TNFSF11: variants seen among roughly 807,000 people sequenced by gnomAD.
TNFSF11 encodes the protein TNF superfamily member 11.
TNFSF11 carries 12 observed loss-of-function variants against 32.2 expected under a neutral mutation model. The observed-to-expected ratio is 0.37, with a 90% CI of 0.24 to 0.60. The LOEUF is 0.60. Ranked by LOEUF, TNFSF11 falls within the 20% of genes least tolerant of loss-of-function variation. TNFSF11 has a pLI of 0.66. For missense variants in TNFSF11, 345 were observed against 398.0 expected (o/e 0.87, Z 1.13); for synonymous variants, 172 against 152.1 (o/e 1.13, Z -0.96).
intron 1 of TNFSF11, chr13:42,566,520 G>A (rs2137842021): frequency 6.6e-6 from 1 of 152,410 alleles, no homozygotes; most frequent in South Asian, 2.1e-4. Context: ...ATTGTAAGAA[G>A]AATTATTGAG....
intron 4 of TNFSF11, among the ~76,000 whole-genome samples, chr13:42,602,025 T>C (rs1869203507): frequency 6.6e-6 from 1 of 152,220 alleles, no homozygotes; most frequent in Admixed American, 6.5e-5. Flanking sequence ...AAGGTACTTG[T>C]GGTCAGTTGG....
At chr13:42,577,633 A>C (rs1178620532) in intron 1 of TNFSF11, among the ~76,000 whole-genome samples, 1 of 152,202 alleles carries the variant, frequency 6.6e-6, no homozygotes, top group Non-Finnish European at 1.5e-5. Context: ...AAAACTGAAG[A>C]TGTTTTGCCC....
At chr13:42,584,230 G>A (rs1873776877) in intron 2 of TNFSF11, among the ~76,000 whole-genome samples, 1 of 152,190 alleles carries the variant, frequency 6.6e-6, no homozygotes, top group Admixed American at 6.5e-5. Flanking sequence ...GCGGCTTACT[G>A]TGTGTCTCTC....
upstream of TNFSF11, among the ~76,000 whole-genome samples, chr13:42,570,048 C>A (rs954374985): frequency 4.6e-4 from 70 of 151,712 alleles, no homozygotes; most frequent in African/African-American, 1.7e-3. Context: ...TTGAATACAC[C>A]AAATATTTAT....
upstream of TNFSF11, chr13:42,571,474 T>A (rs1366304784): frequency 1.3e-5 from 2 of 152,124 alleles, no homozygotes; most frequent in Non-Finnish European, 2.9e-5. Flanking sequence ...GCTCAAACAA[T>A]CCACCTATCT....
intron 2 of TNFSF11, among the ~76,000 whole-genome samples, chr13:42,585,974 C>T (rs1358927190): frequency 6.6e-6 from 1 of 152,186 alleles, no homozygotes; most frequent in Non-Finnish European, 1.5e-5. Flanking sequence ...ATGTTCAGTG[C>T]ATTAAAGATG....
intron 1 of TNFSF11, chr13:42,566,487 A>C (rs914039350): frequency 1.3e-5 from 2 of 152,360 alleles, no homozygotes; most frequent in African/African-American, 4.8e-5. Context: ...TTTGGTAAAG[A>C]AACAGAGGTG....
chr13:42,602,153 A>G (rs1566389040), intron 4 of TNFSF11, among the ~76,000 whole-genome samples: 1 of 152,148 alleles, frequency 6.6e-6, no homozygotes, highest in Non-Finnish European at 1.5e-5. Flanking sequence ...TTGAGGCTCC[A>G]TTGTCCTGGC....
In TNFSF11 at chr13:42,593,500, A is replaced by G. The variant is rs1868618647; in HGVS notation, c.388-7252A>G. On this transcript the variant is annotated intron_variant, in intron 2 of 4. Transcript: ENST00000398795. Reference sequence around the variant, plus strand: ...ATGAGAAATGATGAAAACTTGAAGGAAGGCAGTGGTACCCAGGTTGGAGAG... The same window carrying G: ...ATGAGAAATGATGAAAACTTGAAGGGAGGCAGTGGTACCCAGGTTGGAGAG... Among the ~76,000 whole-genome samples, 7 of 152,274 alleles carry G rather than the reference A, an allele frequency of 4.6e-5. No homozygotes were observed. In the South Asian group the frequency reaches 1.5e-3, roughly 32 times the overall value.
intron 1 of TNFSF11, among the ~76,000 whole-genome samples, chr13:42,564,261 A>C (rs1872789297): frequency 6.6e-6 from 1 of 152,106 alleles, no homozygotes; most frequent in East Asian, 1.9e-4. Context: ...ACTATATGTA[A>C]AAGAATTATT....
At chr13:42,587,439 G>A (rs1346451926) in intron 2 of TNFSF11, among the ~76,000 whole-genome samples, 1 of 152,158 alleles carries the variant, frequency 6.6e-6, no homozygotes, top group African/African-American at 2.4e-5. Context: ...CATTTAGGTA[G>A]GAAGGAGGAC....
intron 2 of TNFSF11, among the ~76,000 whole-genome samples, chr13:42,590,307 G>A (rs1274707104): frequency 4.6e-5 from 7 of 152,210 alleles, no homozygotes; most frequent in Non-Finnish European, 5.9e-5. Flanking sequence ...GATTCTTAAG[G>A]GGCTGGAGGT....
At chr13:42,573,784 G>A (rs1873156742), upstream of TNFSF11, among the ~76,000 whole-genome samples, 1 of 152,176 alleles carries the variant, frequency 6.6e-6, no homozygotes, top group African/African-American at 2.4e-5. Context: ...AGGAAACCGA[G>A]ACTCCAGGAT....
At position 42,566,854 on chromosome 13, in the gene TNFSF11, A is replaced by C. The variant is rs537296509; in HGVS notation, c.-160+92A>C. Reference sequence around the variant, plus strand: ...GTAAAAATACAAAAATTAGCCAGGCATGGTGGTACATGCCTGTAATCCCAG... The same window carrying C: ...GTAAAAATACAAAAATTAGCCAGGCCTGGTGGTACATGCCTGTAATCCCAG... On this transcript the variant is annotated intron_variant, in intron 2 of 6. Transcript: ENST00000358545. 1.1e-3 allele frequency: 168 copies of C among 152,282 alleles called. 1 individual carries two copies. The highest frequency in any genetic ancestry group is 4.0e-3 in the African/African-American group (165 of 41,552). The allele number at this position is 152,282 out of a possible 1,614,324, so 9.4% of individuals were successfully genotyped here.
intron 1 of TNFSF11, among the ~76,000 whole-genome samples, chr13:42,580,284 G>A (rs1873538309): frequency 6.6e-6 from 1 of 152,224 alleles, no homozygotes; most frequent in Non-Finnish European, 1.5e-5. Context: ...TTAAAGAGTA[G>A]TGATTAAAGA....
In TNFSF11 at chr13:42,574,297, G is replaced by A. The variant is rs998463381; in HGVS notation, c.-7G>A. The A allele has an allele frequency of 5.8e-6, 9 of 1,545,560 alleles. No individual in the cohort carries two copies. The highest frequency in any genetic ancestry group is 2.4e-5 in the South Asian group (2 of 83,788). On this transcript the variant is annotated 5_prime_UTR_variant, in exon 1 of 5. Transcript: ENST00000398795. The stretch of plus-strand genomic sequence containing the variant: ...AGGAGAGCTCCGAAGCGAGAGGGCC[G>A]AGCGCCATGCGCCGCGCCAGCAGAG...
At chr13:42,597,872 C>A (rs576446480) in intron 2 of TNFSF11, among the ~76,000 whole-genome samples, 1 of 151,898 alleles carries the variant, frequency 6.6e-6, no homozygotes, top group Non-Finnish European at 1.5e-5. Context: ...TTTTTTTAGA[C>A]GGGGTCTTGC....
At chr13:42,601,100 C>A (rs1869151968) in intron 4 of TNFSF11, 119 bp downstream of exon 4, 2 of 1,076,448 alleles carry the variant, frequency 1.9e-6, no homozygotes, top group Non-Finnish European at 1.4e-6. Flanking sequence ...ACTTCAAAGC[C>A]AAAGGAAAGA....
At position 42,600,784 on chromosome 13, in the gene TNFSF11, C is replaced by T. The variant is rs189501562; in HGVS notation, c.420C>T (p.Ile140=). 1.9e-6 allele frequency: 3 copies of T among 1,614,086 alleles called. No individual in the cohort carries two copies. The highest frequency in any genetic ancestry group is 1.7e-5 in the Admixed American group (1 of 60,018). The change falls in exon 3 of 5, where the codon ATC becomes ATT. Residue 140 remains isoleucine, a synonymous_variant. Coordinates refer to ENST00000398795, the MANE Select transcript of TNFSF11 (RefSeq NM_003701.4). ...AACATATCGTTGGATCACAGCACAT[C>T]AGAGCAGAGAAAGGTAAGCATGGAT... is the stretch of plus-strand genomic sequence containing the variant. ...ELQHIVGSQH[I]RAEKAMVDGS...
Sources: allele counts gnomAD v4.1 joint callset (sites outside exome capture counted in the v4.1 genomes callset), GRCh38; gene constraint gnomAD v4.1.1; transcripts MANE v1.5; gene names NCBI Gene and HGNC (gene_info 2026-07-23, HGNC 2026-07-21).